THRB: variants seen among roughly 807,000 people sequenced by gnomAD.
THRB encodes the protein thyroid hormone receptor beta, also known as nuclear receptor subfamily 1 group A member 2.
A neutral mutation model predicts 47.8 loss-of-function variants in THRB; 12 were observed. The ratio of observed to expected loss-of-function variants is 0.25; its 90% CI spans 0.16 to 0.41. The LOEUF is 0.41. Among genes scored for constraint, THRB ranks in the 10% least tolerant of loss-of-function variants. THRB has a pLI of 1.00. For synonymous variants in THRB, 218 were observed against 212.2 expected, an observed-to-expected ratio of 1.03 and a Z score of -0.24; for missense variants, 348 against 589.2, an observed-to-expected ratio of 0.59 and a Z score of 4.24.
intron 3 of THRB, among the ~76,000 whole-genome samples, chr3:24,286,011 T>G (rs1365821564): frequency 2.0e-5 from 3 of 152,102 alleles, no homozygotes; most frequent in Non-Finnish European, 4.4e-5. Context: ...TGCCCTTATG[T>G]GAAGATGAAG....
At chr3:24,250,999 T>C (rs1005267796) in intron 3 of THRB, among the ~76,000 whole-genome samples, 16 of 151,688 alleles carry the variant, frequency 1.1e-4, no homozygotes, top group Non-Finnish European at 7.4e-5. Context: ...CCCTAAAATA[T>C]ACTTAACTTA....
At chr3:24,367,766 T>A (rs999446229) in intron 1 of THRB, among the ~76,000 whole-genome samples, 14 of 152,124 alleles carry the variant, frequency 9.2e-5, no homozygotes, top group Admixed American at 4.6e-4. Context: ...CAACAAGAAA[T>A]GTTTACAGTA....
chr3:24,315,171 C>T (rs941321144), intron 2 of THRB, among the ~76,000 whole-genome samples: 1 of 152,210 alleles, frequency 6.6e-6, no homozygotes, highest in African/African-American at 2.4e-5. Context: ...CTGATGGACA[C>T]GTCTTGACCC....
intron 4 of THRB, among the ~76,000 whole-genome samples, chr3:24,192,196 A>ACC (rs2043435895): frequency 6.6e-6 from 1 of 152,178 alleles, no homozygotes; most frequent in Non-Finnish European, 1.5e-5. Flanking sequence ...ATCTTGAAAG[A>ACC]TCGTATTGCA....
At chr3:24,155,906 A>G (rs562699661) in intron 5 of THRB, among the ~76,000 whole-genome samples, 8 of 152,326 alleles carry the variant, frequency 5.3e-5, no homozygotes, top group African/African-American at 1.7e-4. Context: ...ATAACCCTCC[A>G]GAAAAAATTA....
intron 3 of THRB, among the ~76,000 whole-genome samples, chr3:24,230,543 C>T (rs1009087520): frequency 4.6e-5 from 7 of 152,178 alleles, no homozygotes; most frequent in African/African-American, 1.7e-4. Context: ...CATCTTTGTT[C>T]ACCTGTCCAG....
intron 4 of THRB, among the ~76,000 whole-genome samples, chr3:24,199,821 G>GT (rs1168514058): frequency 6.6e-6 from 1 of 152,142 alleles, no homozygotes; most frequent in Non-Finnish European, 1.5e-5. Flanking sequence ...AAAGACCATG[G>GT]TGTAAATGTC....
chr3:24,328,479 C>T (rs1037902047), intron 2 of THRB, among the ~76,000 whole-genome samples: 7 of 152,178 alleles, frequency 4.6e-5, no homozygotes, highest in East Asian at 3.8e-4. Context: ...GTCCCTATTC[C>T]GGCCCTTAGA....
intron 3 of THRB, among the ~76,000 whole-genome samples, chr3:24,233,503 AAAGAAAG>A (rs1490982861): frequency 3.9e-4 from 5 of 12,866 alleles, no homozygotes; most frequent in South Asian, 0.01. Flanking sequence ...AGAAAGGAAG[AAAGAAAG>A]AAGGAGGGAA....
chr3:24,249,868 G>C (rs923893194), intron 3 of THRB, among the ~76,000 whole-genome samples: 1 of 152,092 alleles, frequency 6.6e-6, no homozygotes, highest in Non-Finnish European at 1.5e-5. Context: ...CAACTATTAG[G>C]CCGGGGCAAA....
At chr3:24,248,281 T>C (rs1479051687) in intron 3 of THRB, among the ~76,000 whole-genome samples, 1 of 152,054 alleles carries the variant, frequency 6.6e-6, no homozygotes, top group Non-Finnish European at 1.5e-5. Flanking sequence ...CAACCCCATA[T>C]TGATGCTGCT....
chr3:24,304,597 A>C (rs1336301612), intron 2 of THRB, among the ~76,000 whole-genome samples: 1 of 152,192 alleles, frequency 6.6e-6, no homozygotes, highest in East Asian at 1.9e-4. Flanking sequence ...CTAAGACGTT[A>C]ACATAGTACT....
intron 3 of THRB, among the ~76,000 whole-genome samples, chr3:24,247,590 T>G (rs2150326361): frequency 6.6e-6 from 1 of 152,358 alleles, no homozygotes; most frequent in South Asian, 2.1e-4. Context: ...AATGATTACA[T>G]GCATTTATAT....
chr3:24,372,860 T>A (rs1264287088), intron 1 of THRB, among the ~76,000 whole-genome samples: 1 of 151,948 alleles, frequency 6.6e-6, no homozygotes, highest in Admixed American at 6.6e-5. Flanking sequence ...TTCTGAAAAA[T>A]GTGGCAGAGT....
intron 3 of THRB, among the ~76,000 whole-genome samples, chr3:24,264,958 A>C (rs576618277): frequency 6.6e-6 from 1 of 152,318 alleles, no homozygotes; most frequent in South Asian, 2.1e-4. Flanking sequence ...GCCATTATTA[A>C]GATACTTTTG....
At chr3:24,458,105 G>C (rs1174231988) in intron 1 of THRB, 1 of 152,120 alleles carries the variant, frequency 6.6e-6, no homozygotes, top group Non-Finnish European at 1.5e-5. Flanking sequence ...GAATAGGAAG[G>C]TTCTAAAGAA....
At chr3:24,470,347 A>G (rs1318940884) in intron 1 of THRB, among the ~76,000 whole-genome samples, 1 of 152,252 alleles carries the variant, frequency 6.6e-6, no homozygotes, top group Non-Finnish European at 1.5e-5. Context: ...AATAGTGGAC[A>G]GGTAGTATGA....
At chr3:24,347,419 C>T (rs900545246) in intron 1 of THRB, among the ~76,000 whole-genome samples, 1 of 149,232 alleles carries the variant, frequency 6.7e-6, no homozygotes, top group African/African-American at 2.6e-5. Context: ...ATTAGTAATA[C>T]AGAGAACAGA....
At chr3:24,443,893 G>A (rs1307519467) in intron 1 of THRB, among the ~76,000 whole-genome samples, 2 of 152,094 alleles carry the variant, frequency 1.3e-5, no homozygotes, top group Non-Finnish European at 2.9e-5. Flanking sequence ...ATTCTAAGAG[G>A]AGGAGGTATA....
Sources: allele counts gnomAD v4.1 joint callset (sites outside exome capture counted in the v4.1 genomes callset), GRCh38; gene constraint gnomAD v4.1.1; transcripts MANE v1.5; gene names NCBI Gene and HGNC (gene_info 2026-07-23, HGNC 2026-07-21).